The following ASXL1 variants were observed in gnomAD, a reference collection of about 807,000 sequenced individuals.
ASXL1 encodes polycomb group protein ASXL1.
ASXL1 carries 65 observed loss-of-function variants against 89.1 expected under a neutral mutation model. The ratio of observed to expected loss-of-function variants is 0.73; its 90% CI spans 0.60 to 0.90. ASXL1 has a LOEUF of 0.90. Ranked by LOEUF, ASXL1 falls within the 40% of genes least tolerant of loss-of-function variation. The pLI, the probability that ASXL1 is intolerant of heterozygous loss-of-function variation, is 0.00. For synonymous variants in ASXL1, 739 were observed against 746.9 expected (o/e 0.99, Z 0.17); for missense variants, 1,786 against 1,942.9 (o/e 0.92, Z 1.52).
Position 32,434,847 on chromosome 20 carries a change from CCA to C in ASXL1, c.2136_2137del (p.Met713ValfsTer4). On this transcript the variant is annotated frameshift_variant, in exon 13 of 13. Transcript: ENST00000375687. LOFTEE classifies it low-confidence loss of function (END_TRUNC). Reference sequence around the variant, plus strand: ...GGGGAGCATACCCAGGCCGGAACTGCCATGTCCAGAGCTAGGAGAGAGGACCT... The same window carrying C: ...GGGGAGCATACCCAGGCCGGAACTGCTGTCCAGAGCTAGGAGAGAGGACCT... 1 of 1,614,144 alleles carries C rather than the reference CCA, an allele frequency of 6.2e-7. No homozygotes were observed. Among genetic ancestry groups the C allele is most frequent in the Non-Finnish European group, 8.5e-7 (1 of 1,179,996 alleles).
At chr20:32,434,091 CCTCA>C in intron 12 of ASXL1, 174 bp downstream of exon 12, 1 of 969,138 alleles carries the variant, frequency 1.0e-6, no homozygotes, top group African/African-American at 1.7e-5. Flanking sequence ...TTCTTTTCTT[CCTCA>C]CTTTTTTGTT....
rs748505783 is a variant in ASXL1, at chr20:32,435,627, G to A, written c.2915G>A (p.Gly972Asp). 1 of 1,614,130 alleles carries A rather than the reference G, an allele frequency of 6.2e-7. No individual in the cohort carries two copies. The highest frequency in any genetic ancestry group is 8.5e-7 in the Non-Finnish European group (1 of 1,180,030). The change falls in exon 13 of 13, where the codon GGC becomes GAC. Residue 972 changes from glycine to aspartate, a missense_variant. Physicochemically the swap from Gly to Asp is moderately conservative, Grantham distance 94. Around this residue, in one of 3 missense-constraint regions of ASXL1, gnomAD observed 1,418 missense variants for 1,427.8 expected, o/e 0.99. Transcript: ENST00000375687. ...TCTCGAGGAGGCAGTGACAGCAATGGCAGTTACTGTCAACAGGTGGACATT... is the reference window on the plus strand; with the variant it reads ...TCTCGAGGAGGCAGTGACAGCAATGACAGTTACTGTCAACAGGTGGACATT... ...VPSRGGSDSNGSYCQQVDIEK... is the reference protein window; with the variant it reads ...VPSRGGSDSNDSYCQQVDIEK...
rs749568474 is a variant in ASXL1 at position 32,433,592 on chromosome 20, A to G, written c.1394A>G (p.His465Arg). 32 of 1,614,038 alleles carry G rather than the reference A, an allele frequency of 2.0e-5. No homozygotes were observed. Among genetic ancestry groups the G allele is most frequent in the Non-Finnish European group, 2.5e-5 (30 of 1,180,024 alleles). The change falls in exon 12 of 13, where the codon CAT (histidine) becomes CGT (arginine). Residue 465 changes from histidine (H) to arginine (R), a missense_variant. Around this residue, in one of 3 missense-constraint regions of ASXL1, gnomAD observed 1,418 missense variants for 1,427.8 expected, o/e 0.99. Transcript: ENST00000375687. ...KTDPAGLSSP[H>R]LPGTSSAAPD... is the part of the protein sequence containing the mutation. ...GACCCAGCAGGGCTGAGCAGTCCCC[A>G]TCTGCCAGGCACATCCTCTGCAGCA... is the stretch of plus-strand genomic sequence containing the variant.
At chr20:32,372,218 A>G in intron 4 of ASXL1, 1 of 1,347,358 alleles carries the variant, frequency 7.4e-7, no homozygotes, top group South Asian at 1.3e-5. Context: ...TCTTTGAATA[A>G]ACACCATTGT....
intron 4 of ASXL1, among the ~76,000 whole-genome samples, chr20:32,414,938 G>A (rs2049111592): frequency 6.6e-6 from 1 of 152,110 alleles, no homozygotes; most frequent in Non-Finnish European, 1.5e-5. Flanking sequence ...AGCTTTGGGA[G>A]CCAAGGTGGG....
chr20:32,436,065 T>G lies in ASXL1; in HGVS notation c.3353T>G (p.Leu1118Arg). ...VMQLLQGSLP[L>R]EKVLPPAHDD... ...CAGTTGCTGCAGGGTAGCTTGCCCCTAGAGAAGGTTCTTCCACCAGCCCAC... is the reference window on the plus strand; with the variant it reads ...CAGTTGCTGCAGGGTAGCTTGCCCCGAGAGAAGGTTCTTCCACCAGCCCAC... The change falls in exon 13 of 13, where the codon CTA (leucine) becomes CGA (arginine). Residue 1118 changes from leucine (L) to arginine (R), a missense_variant. Around this residue, in one of 3 missense-constraint regions of ASXL1, gnomAD observed 1,418 missense variants for 1,427.8 expected, o/e 0.99. Transcript: ENST00000375687. 6.2e-7 allele frequency: 1 copy of G among 1,614,144 alleles called. No homozygotes were observed. Among genetic ancestry groups the G allele is most frequent in the Non-Finnish European group, 8.5e-7 (1 of 1,180,016 alleles).
At chr20:32,427,068 C>T (rs906059844) in intron 4 of ASXL1, 3 of 152,176 alleles carry the variant, frequency 2.0e-5, no homozygotes, top group African/African-American at 7.2e-5. Flanking sequence ...AGACATTCTC[C>T]TCCTCTGCCC....
chr20:32,368,099 C>A (rs1270569221), intron 3 of ASXL1, among the ~76,000 whole-genome samples: 1 of 152,054 alleles, frequency 6.6e-6, no homozygotes, highest in Non-Finnish European at 1.5e-5. Flanking sequence ...GCTTCTAGTT[C>A]TGAAAAATGC....
intron 4 of ASXL1, among the ~76,000 whole-genome samples, chr20:32,379,692 G>C (rs2122914654): frequency 6.6e-6 from 1 of 151,700 alleles, no homozygotes; most frequent in East Asian, 2.0e-4. Flanking sequence ...TGGGATTACA[G>C]GCGGGCACCT....
intron 1 of ASXL1, among the ~76,000 whole-genome samples, chr20:32,360,995 C>T (rs941570667): frequency 6.6e-6 from 1 of 152,160 alleles, no homozygotes; most frequent in African/African-American, 2.4e-5. Context: ...TATCCGCCCA[C>T]CTTGGCCTCC....
intron 4 of ASXL1, among the ~76,000 whole-genome samples, chr20:32,380,539 C>A (rs2048469639): frequency 6.6e-6 from 1 of 151,886 alleles, no homozygotes; most frequent in African/African-American, 2.4e-5. Flanking sequence ...ATTGCTTGAG[C>A]CCTGGAATTC....
intron 2 of ASXL1, 46 bp from the exon 3 acceptor site, chr20:32,367,681 C>A: frequency 1.3e-6 from 1 of 780,376 alleles, no homozygotes; most frequent in East Asian, 2.4e-5. Flanking sequence ...GGGCTATTTC[C>A]CATCATGCTG....
At chr20:32,394,830 C>T (rs1215588806) in intron 4 of ASXL1, among the ~76,000 whole-genome samples, 1 of 151,950 alleles carries the variant, frequency 6.6e-6, no homozygotes, top group South Asian at 2.1e-4. Flanking sequence ...TCTTATGCCT[C>T]AGCCTCCTGA....
intron 4 of ASXL1, among the ~76,000 whole-genome samples, chr20:32,422,748 G>A (rs1216151436): frequency 6.6e-6 from 1 of 150,918 alleles, no homozygotes. Flanking sequence ...CACCATGCCC[G>A]GCTAATTTTT....
rs2011788316 is a variant in ASXL1, at chr20:32,435,577, C to A, written c.2865C>A (p.Ser955Arg). Residue 955 changes from serine (S) to arginine (R), a missense_variant, in exon 13 of 13, where the codon AGC becomes AGA. This residue lies in a region of ASXL1 where 1,418 missense variants were observed against 1,427.8 expected (regional missense o/e 0.99). Coordinates refer to ENST00000375687, the MANE Select transcript of ASXL1 (RefSeq NM_015338.6). ...TAEEGLDPLDSLTSLWTVPSR... is the reference protein window; with the variant it reads ...TAEEGLDPLDRLTSLWTVPSR... The stretch of plus-strand genomic sequence containing the variant: ...AGGAGGGTCTAGATCCTCTTGACAG[C>A]CTTACTTCACTCTGGACTGTGCCAT... 1 of 1,614,074 alleles carries A rather than the reference C, an allele frequency of 6.2e-7. No homozygotes were observed. The highest frequency in any genetic ancestry group is 8.5e-7 in the Non-Finnish European group (1 of 1,180,034).
rs540874986 is a variant in ASXL1, at chr20:32,437,466, A to C, written c.*128A>C. 2 of 1,397,466 alleles carry C rather than the reference A, an allele frequency of 1.4e-6. No homozygotes were observed. Among genetic ancestry groups the C allele is most frequent in the Admixed American group, 3.5e-5 (2 of 56,720 alleles). 86.6% of individuals were successfully genotyped at this position (1,397,466 alleles called of 1,614,324 possible). On this transcript the variant is annotated 3_prime_UTR_variant, in exon 13 of 13. Coordinates refer to ENST00000375687, the MANE Select transcript of ASXL1 (RefSeq NM_015338.6). ...GCAGGAGCACTCTTGCCTTCCCCCA[A>C]AATTTACACTGCTAAAGCCCTCTGT... is the stretch of plus-strand genomic sequence containing the variant.
rs552759873 is a variant in ASXL1, at chr20:32,438,270, C to T, written c.*932C>T. The T allele has an allele frequency of 4.3e-5, 10 of 233,478 alleles. No homozygotes were observed. Among genetic ancestry groups the T allele is most frequent in the South Asian group, 3.6e-4 (2 of 5,528 alleles). The allele number at this position is 233,478 out of a possible 1,614,324, so 14.5% of individuals were successfully genotyped here. ...GGCTTCTGTAAGTATGCTCTATGCA[C>T]CTCTAATGTTTTATCATGTATTTAT... On this transcript the variant is annotated 3_prime_UTR_variant, in exon 13 of 13. Coordinates refer to ENST00000375687, the MANE Select transcript of ASXL1 (RefSeq NM_015338.6).
chr20:32,438,015 G>A lies in ASXL1; in HGVS notation c.*677G>A. 1 of 234,148 alleles carries A rather than the reference G, an allele frequency of 4.3e-6. No homozygotes were observed. Among genetic ancestry groups the A allele is most frequent in the Non-Finnish European group, 8.4e-6 (1 of 118,744 alleles). 14.5% of individuals were successfully genotyped at this position (234,148 alleles called of 1,614,324 possible). On this transcript the variant is annotated 3_prime_UTR_variant, in exon 13 of 13. Transcript: ENST00000375687. ...GCTTGGACAATGGGGTTGGGGAATAGGGTTGTCTTTCCTATGAAAATGCCA... is the reference window on the plus strand; with the variant it reads ...GCTTGGACAATGGGGTTGGGGAATAAGGTTGTCTTTCCTATGAAAATGCCA...
intron 8 of ASXL1, chr20:32,430,297 G>C: frequency 1.8e-6 from 1 of 550,600 alleles, no homozygotes; most frequent in South Asian, 2.6e-5. Context: ...TGTAGGCCTA[G>C]TCTATGCCTG....
Sources: allele counts gnomAD v4.1 joint callset (sites outside exome capture counted in the v4.1 genomes callset), GRCh38; gene constraint gnomAD v4.1.1; regional missense constraint gnomAD v4.1.1; transcripts MANE v1.5; gene names NCBI Gene and HGNC (gene_info 2026-07-23, HGNC 2026-07-21).